CSMD1: variants seen among roughly 807,000 people sequenced by gnomAD.
The protein encoded by CSMD1 is CUB and Sushi multiple domains 1, also known as CUB and sushi domain-containing protein 1.
Under a neutral mutation model 417.5 loss-of-function variants are expected in CSMD1, and 213 were observed. That is an observed-to-expected ratio of 0.51 (90% CI 0.46 to 0.57). The LOEUF (loss-of-function observed/expected upper bound fraction) is 0.57, where lower values mean the gene tolerates loss of function less well. Ranked by LOEUF, CSMD1 falls within the 20% of genes least tolerant of loss-of-function variation. The pLI is 0.00. For synonymous variants in CSMD1, 2,862 were observed against 1,736.8 expected (o/e 1.65, Z -16.11); for missense variants, 6,923 against 4,529.7 (o/e 1.53, Z -15.17).
chr8:4,840,521 T>A (rs991230828), intron 1 of CSMD1, among the ~76,000 whole-genome samples: 23 of 152,212 alleles, frequency 1.5e-4, no homozygotes, highest in African/African-American at 5.3e-4. Flanking sequence ...GTGGTGAGAC[T>A]TGCTGAAGGA....
intron 4 of CSMD1, among the ~76,000 whole-genome samples, chr8:3,998,509 C>T (rs1490888931): frequency 6.6e-6 from 1 of 152,100 alleles, no homozygotes; most frequent in Non-Finnish European, 1.5e-5. Context: ...GGATACCTGG[C>T]TTTGAGAATA....
chr8:4,448,990 G>C (rs541172703), intron 2 of CSMD1, among the ~76,000 whole-genome samples: 7 of 152,124 alleles, frequency 4.6e-5, no homozygotes, highest in African/African-American at 1.7e-4. Context: ...ATGGATAGTA[G>C]TCAGTATTAT....
At chr8:3,187,562 C>T (rs1451484097) in intron 36 of CSMD1, among the ~76,000 whole-genome samples, 6 of 152,176 alleles carry the variant, frequency 3.9e-5, no homozygotes, top group Non-Finnish European at 8.8e-5. Context: ...TTCCTAACCT[C>T]TGCCTCTTTG....
intron 1 of CSMD1, among the ~76,000 whole-genome samples, chr8:4,752,101 A>G (rs577582511): frequency 1.6e-3 from 244 of 152,260 alleles, no homozygotes; most frequent in Middle Eastern, 6.8e-3. Flanking sequence ...GTGTACATGT[A>G]TCACATATAT....
At chr8:3,309,960 C>G (rs34272206) in intron 23 of CSMD1, among the ~76,000 whole-genome samples, 5,797 of 152,262 alleles carry the variant, frequency 0.038, 168 homozygotes, top group Non-Finnish European at 0.055. Context: ...TCAGTCTTTA[C>G]CAACCATGAC....
intron 3 of CSMD1, among the ~76,000 whole-genome samples, chr8:4,079,039 C>T (rs931151318): frequency 1.1e-4 from 16 of 151,186 alleles, no homozygotes; most frequent in Admixed American, 5.3e-4. Flanking sequence ...CAGGTATGGA[C>T]CCGACCACAA....
intron 25 of CSMD1, among the ~76,000 whole-genome samples, chr8:3,305,158 G>A (rs527367269): frequency 6.6e-6 from 1 of 152,140 alleles, no homozygotes; most frequent in African/African-American, 2.4e-5. Context: ...GTGCTGGGAT[G>A]ACAGGTGTGA....
At chr8:3,194,309 A>G (rs1796579971) in intron 33 of CSMD1, among the ~76,000 whole-genome samples, 1 of 152,192 alleles carries the variant, frequency 6.6e-6, no homozygotes, top group Non-Finnish European at 1.5e-5. Flanking sequence ...AATAACCTCA[A>G]GTAAAGAAAT....
intron 52 of CSMD1, among the ~76,000 whole-genome samples, chr8:3,009,039 C>A (rs940108871): frequency 1.5e-4 from 23 of 152,150 alleles, no homozygotes; most frequent in African/African-American, 5.1e-4. Flanking sequence ...CGCAGAAACC[C>A]CATATACCAG....
chr8:4,670,465 G>C (rs927034360), intron 1 of CSMD1, among the ~76,000 whole-genome samples: 4 of 152,152 alleles, frequency 2.6e-5, no homozygotes, highest in South Asian at 2.1e-4. Flanking sequence ...AGCTAGATAC[G>C]TGGTGGTCTT....
At chr8:4,467,405 T>C (rs1800247311) in intron 2 of CSMD1, among the ~76,000 whole-genome samples, 1 of 152,230 alleles carries the variant, frequency 6.6e-6, no homozygotes, top group Non-Finnish European at 1.5e-5. Context: ...CCTCCATTTT[T>C]CTCTTTTTCC....
chr8:4,176,655 A>G (rs1052970109), intron 3 of CSMD1, among the ~76,000 whole-genome samples: 1 of 151,620 alleles, frequency 6.6e-6, no homozygotes, highest in Admixed American at 6.6e-5. Context: ...AAGAGTCAAG[A>G]CCCATCAGTG....
At chr8:4,045,518 C>G (rs889691995) in intron 3 of CSMD1, among the ~76,000 whole-genome samples, 3 of 152,166 alleles carry the variant, frequency 2.0e-5, no homozygotes, top group Non-Finnish European at 1.5e-5. Flanking sequence ...CCAGGGACAT[C>G]ATGGGGCCCT....
chr8:3,772,752 A>G (rs1051642405), intron 5 of CSMD1, among the ~76,000 whole-genome samples: 1 of 150,090 alleles, frequency 6.7e-6, no homozygotes, highest in African/African-American at 2.5e-5. Flanking sequence ...ACCTTCATTC[A>G]GCAAATATTG....
chr8:4,020,932 A>G lies in CSMD1; in HGVS notation c.610+10973T>C, dbSNP rs78333928. On this transcript the variant is annotated intron_variant, in intron 4 of 69. Transcript: ENST00000635120. ...CAATTGCTGAAACTTAAAGGGAAGA[A>G]TTTCCAACACATTGTGACGTGGACT... is the stretch of plus-strand genomic sequence containing the variant. Among the ~76,000 whole-genome samples the G allele has an allele frequency of 7.5e-3, 1,136 of 152,332 alleles. 17 individuals are homozygous for G. The highest frequency in any genetic ancestry group is 0.025 in the African/African-American group (1,042 of 41,576).
At chr8:4,455,932 A>AAAAAAAAAAAAC (rs1799444984) in intron 2 of CSMD1, among the ~76,000 whole-genome samples, 4 of 106,514 alleles carry the variant, frequency 3.8e-5, no homozygotes, top group Non-Finnish European at 5.5e-5. Flanking sequence ...CCAACTCCAA[A>AAAAAAAAAAAAC]AAAAAAAAAA....
chr8:3,219,391 A>C lies in CSMD1; in HGVS notation c.4536T>G (p.Asp1512Glu), dbSNP rs1411476571. Reference protein sequence around the residue: ...YDFLHIYEGEDSNSPLIGSYQ... With the variant: ...YDFLHIYEGEESNSPLIGSYQ... ...AACTCCCAATGAGGGGGCTGTTGGA[A>C]TCTTCCCCTTCATAGATGTGTAGGA... is the stretch of plus-strand genomic sequence containing the variant. The change falls in exon 29 of 70, where the codon GAT becomes GAG. Residue 1512 changes from aspartate to glutamate, a missense_variant. By Grantham distance (45) the Asp-to-Glu change is conservative. Coordinates refer to ENST00000635120, the MANE Select transcript of CSMD1 (RefSeq NM_033225.6). 1 of 1,564,876 alleles carries C rather than the reference A, an allele frequency of 6.4e-7. No homozygotes were observed. Among genetic ancestry groups the C allele is most frequent in the Non-Finnish European group, 8.7e-7 (1 of 1,154,744 alleles).
At chr8:3,846,260 G>A (rs2129096995) in intron 5 of CSMD1, among the ~76,000 whole-genome samples, 1 of 152,190 alleles carries the variant, frequency 6.6e-6, no homozygotes, top group East Asian at 1.9e-4. Context: ...ACCACGCTAT[G>A]GCATTATGAT....
At chr8:3,771,416 C>G (rs1276147677) in intron 5 of CSMD1, among the ~76,000 whole-genome samples, 4 of 152,140 alleles carry the variant, frequency 2.6e-5, no homozygotes, top group Non-Finnish European at 5.9e-5. Flanking sequence ...ATTCAAAATG[C>G]TTTTTGCAGA....
Sources: allele counts gnomAD v4.1 joint callset (sites outside exome capture counted in the v4.1 genomes callset), GRCh38; gene constraint gnomAD v4.1.1; transcripts MANE v1.5; gene names NCBI Gene and HGNC (gene_info 2026-07-23, HGNC 2026-07-21).